MMP16: variants seen among roughly 807,000 people sequenced by gnomAD.
MMP16 encodes the protein matrix metallopeptidase 16.
MMP16 carries 12 observed loss-of-function variants against 67.8 expected under a neutral mutation model. The observed-to-expected ratio is 0.18, with a 90% CI of 0.11 to 0.29. The LOEUF is 0.29. MMP16 is among the 10% of genes least tolerant of loss of function. The pLI is 1.00. For synonymous variants in MMP16, 249 were observed against 255.9 expected (o/e 0.97, Z 0.26); for missense variants, 475 against 765.7 (o/e 0.62, Z 4.48).
At chr8:88,203,393 C>A (rs542289449) in intron 1 of MMP16, among the ~76,000 whole-genome samples, 113 of 152,202 alleles carry the variant, frequency 7.4e-4, no homozygotes, top group African/African-American at 2.6e-3. Flanking sequence ...TGAGCTACTG[C>A]GCCCGGCCAA....
In MMP16 at chr8:88,266,394, A is replaced by G. The variant is rs16880514; in HGVS notation, c.132+60681T>C. On this transcript the variant is annotated intron_variant, in intron 1 of 9. Transcript: ENST00000286614. The stretch of plus-strand genomic sequence containing the variant: ...TAAGTCACCTTCAAGTTCAGGTTCA[A>G]TAACATTTTATGAAATAACAGTGTC... 6.0e-3 allele frequency among the ~76,000 whole-genome samples: 918 copies of G among 152,324 alleles called. 13 individuals are homozygous for G. Among genetic ancestry groups the G allele is most frequent in the African/African-American group, 0.021 (876 of 41,574 alleles).
intron 6 of MMP16, among the ~76,000 whole-genome samples, chr8:88,102,200 T>TCCC (rs893413188): frequency 9.2e-5 from 14 of 151,598 alleles, no homozygotes; most frequent in Admixed American, 8.6e-4. Context: ...GGGGACTAAG[T>TCCC]CCCCAAAACT....
Position 88,084,582 on chromosome 8 carries a change from T to C in MMP16, c.1084-9839A>G, listed in dbSNP as rs973637411. On this transcript the variant is annotated intron_variant, in intron 6 of 9. Coordinates refer to ENST00000286614, the MANE Select transcript of MMP16 (RefSeq NM_005941.5). Reference sequence around the variant, plus strand: ...TCCCGTATTTAAAGATGAAATTTCATGATACCTACAACTTTGTTTCGCCAA... The same window carrying C: ...TCCCGTATTTAAAGATGAAATTTCACGATACCTACAACTTTGTTTCGCCAA... Among the ~76,000 whole-genome samples, 3 of 152,152 alleles carry C rather than the reference T, an allele frequency of 2.0e-5. No individual in the cohort carries two copies. In the South Asian group the frequency reaches 6.2e-4, roughly 32 times the overall value.
chr8:88,179,475 A>T (rs922943663), intron 3 of MMP16, among the ~76,000 whole-genome samples: 5 of 152,104 alleles, frequency 3.3e-5, no homozygotes, highest in African/African-American at 7.2e-5. Flanking sequence ...CTTCAGAAAG[A>T]AGAAAAATGA....
At chr8:88,128,943 C>T (rs149881452) in intron 4 of MMP16, among the ~76,000 whole-genome samples, 61 of 151,812 alleles carry the variant, frequency 4.0e-4, no homozygotes, top group Non-Finnish European at 8.0e-4. Context: ...GGTTTAAATT[C>T]CCAGCTCTTG....
intron 1 of MMP16, among the ~76,000 whole-genome samples, chr8:88,264,931 G>A (rs543379285): frequency 6.6e-6 from 1 of 152,330 alleles, no homozygotes; most frequent in East Asian, 1.9e-4. Flanking sequence ...AAGACGACTA[G>A]TGTTTCCAAT....
intron 3 of MMP16, among the ~76,000 whole-genome samples, chr8:88,185,414 G>A (rs1195029114): frequency 9.2e-5 from 14 of 152,014 alleles, no homozygotes; most frequent in Admixed American, 9.2e-4. Flanking sequence ...AGCTGAGATC[G>A]TGCCACTGCA....
chr8:88,269,780 T>G lies in MMP16; in HGVS notation c.132+57295A>C, dbSNP rs189879097. On this transcript the variant is annotated intron_variant, in intron 1 of 9. Transcript: ENST00000286614. The stretch of plus-strand genomic sequence containing the variant: ...CTTTGCTCTACGACCTATTAAAATA[T>G]TTTCGTATTACTGTTGCTGGAGACT... 1.5e-3 allele frequency among the ~76,000 whole-genome samples: 222 copies of G among 152,314 alleles called. 2 individuals carry two copies. The highest frequency in any genetic ancestry group is 1.9e-3 in the East Asian group (10 of 5,180).
intron 3 of MMP16, among the ~76,000 whole-genome samples, chr8:88,181,781 A>G (rs1454393321): frequency 1.3e-5 from 2 of 152,042 alleles, no homozygotes; most frequent in African/African-American, 2.4e-5. Flanking sequence ...CTATAAAATC[A>G]GAGTAATCAA....
chr8:88,138,989 T>A (rs1808168219), intron 4 of MMP16, among the ~76,000 whole-genome samples: 1 of 152,144 alleles, frequency 6.6e-6, no homozygotes. Context: ...CATTTGAAAA[T>A]GTTTCTGGTA....
At chr8:88,125,349 T>C (rs1010876004) in intron 4 of MMP16, among the ~76,000 whole-genome samples, 1 of 151,942 alleles carries the variant, frequency 6.6e-6, no homozygotes, top group Non-Finnish European at 1.5e-5. Flanking sequence ...TGTTTGGATG[T>C]GGTTTAAAGC....
chr8:88,098,993 T>C (rs904129208), intron 6 of MMP16, among the ~76,000 whole-genome samples: 1 of 151,808 alleles, frequency 6.6e-6, no homozygotes, highest in African/African-American at 2.4e-5. Context: ...TTTTCCTATA[T>C]TATGATAAAA....
intron 6 of MMP16, among the ~76,000 whole-genome samples, chr8:88,082,430 A>G (rs1002138779): frequency 6.6e-6 from 1 of 152,082 alleles, no homozygotes; most frequent in South Asian, 2.1e-4. Context: ...ATCCACTTCA[A>G]ATTAAGATAC....
intron 1 of MMP16, among the ~76,000 whole-genome samples, chr8:88,248,662 T>C (rs1810157817): frequency 6.6e-6 from 1 of 151,964 alleles, no homozygotes; most frequent in Non-Finnish European, 1.5e-5. Flanking sequence ...AGGTCAGTAA[T>C]TTCTCACACA....
At chr8:88,247,480 C>T (rs1810132052) in intron 1 of MMP16, among the ~76,000 whole-genome samples, 2 of 152,050 alleles carry the variant, frequency 1.3e-5, no homozygotes, top group South Asian at 4.1e-4. Flanking sequence ...TCTTGTGCAG[C>T]ACTAGTTGTT....
At chr8:88,256,376 A>G (rs959564389) in intron 1 of MMP16, among the ~76,000 whole-genome samples, 5 of 152,070 alleles carry the variant, frequency 3.3e-5, no homozygotes, top group African/African-American at 9.7e-5. Flanking sequence ...GAATGGTCAA[A>G]TCGACTTCAC....
At chr8:88,293,695 G>A (rs946187829) in intron 1 of MMP16, among the ~76,000 whole-genome samples, 1 of 151,958 alleles carries the variant, frequency 6.6e-6, no homozygotes, top group African/African-American at 2.4e-5. Context: ...CTATAAAATA[G>A]GTAACTTTTT....
At chr8:88,141,229 T>C (rs1486103642) in intron 4 of MMP16, among the ~76,000 whole-genome samples, 1 of 152,140 alleles carries the variant, frequency 6.6e-6, no homozygotes, top group Non-Finnish European at 1.5e-5. Flanking sequence ...GTCTTACAAA[T>C]TAATGAAAAT....
intron 4 of MMP16, among the ~76,000 whole-genome samples, chr8:88,147,798 T>TGC (rs1040203148): frequency 3.3e-5 from 5 of 151,874 alleles, no homozygotes; most frequent in African/African-American, 4.8e-5. Context: ...TGTGTGTGTG[T>TGC]GCATGCACGC....
Sources: gnomAD v4.1 joint callset for allele counts (sites outside exome capture counted in the v4.1 genomes callset) on GRCh38, gnomAD v4.1.1 for gene constraint, MANE v1.5 for transcripts, NCBI Gene and HGNC (gene_info 2026-07-23, HGNC 2026-07-21) for gene names.